Variants in LMX1A observed in about 807,000 individuals in gnomAD.
LMX1A encodes the protein LIM homeobox transcription factor 1-alpha.
In LMX1A, 15 loss-of-function variants were observed where a neutral mutation model predicts 49.1. The observed-to-expected ratio is 0.31, with a 90% CI of 0.20 to 0.47. The LOEUF (loss-of-function observed/expected upper bound fraction) is 0.47. Among genes scored for constraint, LMX1A ranks in the 20% least tolerant of loss-of-function variants. The pLI, the probability that LMX1A is intolerant of heterozygous loss-of-function variation, is 1.00. For synonymous variants in LMX1A, 167 were observed against 185.7 expected, an observed-to-expected ratio of 0.90 and a Z score of 0.82; for missense variants, 372 against 475.8, an observed-to-expected ratio of 0.78 and a Z score of 2.03.
chr1:165,253,722 C>T (rs1653135460), intron 3 of LMX1A, among the ~76,000 whole-genome samples: 1 of 152,174 alleles, frequency 6.6e-6, no homozygotes. Flanking sequence ...TCTCCTCTGC[C>T]TCTCAGCTTC....
chr1:165,355,746 G>A lies in LMX1A; in HGVS notation c.-22-165C>T. On this transcript the variant is annotated intron_variant, in intron 1 of 8. Coordinates refer to ENST00000342310, the MANE Select transcript of LMX1A (RefSeq NM_177398.4). This position sits in a 1 kb window ranked among gnomAD's most constrained non-coding sequence, Gnocchi z 4.7. ...GAATGTAGGGTGGGAGGAGAGATCA[G>A]TCACAGCGAACTGCTCTGGCTGATC... 1 of 612,100 alleles carries A rather than the reference G, an allele frequency of 1.6e-6. No homozygotes were observed. Among genetic ancestry groups the A allele is most frequent in the South Asian group, 2.0e-5 (1 of 50,972 alleles). The allele number at this position is 612,100 out of a possible 1,614,324, so 37.9% of individuals were successfully genotyped here.
At chr1:165,283,002 C>T (rs1293285094) in intron 3 of LMX1A, among the ~76,000 whole-genome samples, 3 of 152,250 alleles carry the variant, frequency 2.0e-5, no homozygotes, top group African/African-American at 7.2e-5. Flanking sequence ...CTGTCTCCAA[C>T]CCCAAGTCAC....
chr1:165,270,293 A>T (rs1473974064), intron 3 of LMX1A, among the ~76,000 whole-genome samples: 1 of 151,832 alleles, frequency 6.6e-6, no homozygotes, highest in African/African-American at 2.4e-5. Flanking sequence ...TCAGCTCAAG[A>T]CTCATACCCC....
intron 3 of LMX1A, among the ~76,000 whole-genome samples, chr1:165,295,566 C>T (rs574866989): frequency 1.3e-5 from 2 of 151,816 alleles, no homozygotes; most frequent in Middle Eastern, 3.4e-3. Flanking sequence ...TCCCAGCCTT[C>T]CCAAGGAAAA....
chr1:165,323,261 A>T (rs1042476452), intron 3 of LMX1A, among the ~76,000 whole-genome samples: 2 of 152,188 alleles, frequency 1.3e-5, no homozygotes, highest in Admixed American at 6.5e-5. Context: ...AGTTAACCAT[A>T]CAAAATATAC....
intron 3 of LMX1A, among the ~76,000 whole-genome samples, chr1:165,335,882 T>TATCC (rs1465763892): frequency 6.6e-6 from 1 of 151,844 alleles, no homozygotes; most frequent in Admixed American, 6.6e-5. Context: ...ATATTAGGTA[T>TATCC]ATCCACCGAG....
rs542048531 is a variant in LMX1A, at chr1:165,205,713, T to C, written c.988+151A>G. The C allele has an allele frequency of 1.2e-5, 8 of 673,626 alleles. No individual in the cohort carries two copies. The Admixed American group carries it at 1.6e-4, about 13-fold the overall frequency. 41.7% of individuals were successfully genotyped at this position (673,626 alleles called of 1,614,324 possible). On this transcript the variant is annotated intron_variant, in intron 8 of 8. Transcript: ENST00000342310. ...CATGAAGGTCTTTCTCCTGTAGTCA[T>C]TGGTTAGGCGATTCTGGCAGTATTT... is the stretch of plus-strand genomic sequence containing the variant.
intron 3 of LMX1A, 34 bp downstream of exon 3, chr1:165,353,042 G>A: frequency 1.9e-6 from 3 of 1,607,772 alleles, no homozygotes; most frequent in Non-Finnish European, 2.6e-6. Context: ...TGATGCCAGT[G>A]CGCGGGGAGC....
chr1:165,222,875 A>C (rs1651898648), intron 4 of LMX1A, among the ~76,000 whole-genome samples: 1 of 152,186 alleles, frequency 6.6e-6, no homozygotes, highest in South Asian at 2.1e-4. Context: ...GAGCAAGATA[A>C]AACAGGGTCA....
chr1:165,351,274 G>T (rs1656419314), intron 3 of LMX1A, among the ~76,000 whole-genome samples: 1 of 152,114 alleles, frequency 6.6e-6, no homozygotes, highest in Non-Finnish European at 1.5e-5. Flanking sequence ...GGACATTTCA[G>T]TAATCTATAA....
chr1:165,234,384 A>G (rs1652351545), intron 4 of LMX1A, among the ~76,000 whole-genome samples: 1 of 152,116 alleles, frequency 6.6e-6, no homozygotes, highest in Admixed American at 6.5e-5. Flanking sequence ...TAATACACAT[A>G]TACACACCCC....
At chr1:165,327,050 T>C (rs1340027799) in intron 3 of LMX1A, among the ~76,000 whole-genome samples, 3 of 152,104 alleles carry the variant, frequency 2.0e-5, no homozygotes, top group Admixed American at 2.0e-4. Context: ...TACCTTGAAA[T>C]TTCCTTGATG....
At chr1:165,297,225 T>C (rs1320846172) in intron 3 of LMX1A, among the ~76,000 whole-genome samples, 3 of 152,346 alleles carry the variant, frequency 2.0e-5, no homozygotes, top group Admixed American at 1.3e-4. Context: ...GAAATCTCTT[T>C]CCTTCAGAAA....
At chr1:165,309,175 T>C (rs530215583) in intron 3 of LMX1A, among the ~76,000 whole-genome samples, 1 of 151,244 alleles carries the variant, frequency 6.6e-6, no homozygotes, top group Admixed American at 6.6e-5. Context: ...TGCTGAGGGC[T>C]CGCTCCTGGA....
At chr1:165,345,778 C>T (rs565713900) in intron 3 of LMX1A, among the ~76,000 whole-genome samples, 3 of 152,286 alleles carry the variant, frequency 2.0e-5, no homozygotes, top group South Asian at 4.1e-4. Flanking sequence ...CCTATAATCC[C>T]AGCACTTTGG....
In LMX1A at chr1:165,306,735, G is replaced by A. The variant is rs1309608730; in HGVS notation, c.263+46341C>T. Among the ~76,000 whole-genome samples the A allele has an allele frequency of 3.9e-5, 6 of 152,310 alleles. 1 individual carries two copies. The East Asian group carries it at 1.2e-3, about 29-fold the overall frequency. ...GAATATCCCCAACAGCCTGTTGGTG[G>A]CACTCACACCACAATATATCCAGAA... On this transcript the variant is annotated intron_variant, in intron 3 of 8. Transcript: ENST00000342310.
At chr1:165,289,973 C>G (rs1023947814) in intron 3 of LMX1A, among the ~76,000 whole-genome samples, 52 of 152,162 alleles carry the variant, frequency 3.4e-4, no homozygotes, top group Non-Finnish European at 5.9e-5. Flanking sequence ...CTTAGGGAGT[C>G]TGATTTCATT....
At chr1:165,215,422 C>G (rs1651608251) in intron 4 of LMX1A, among the ~76,000 whole-genome samples, 1 of 152,212 alleles carries the variant, frequency 6.6e-6, no homozygotes, top group South Asian at 2.1e-4. Flanking sequence ...GCCCTCTTTT[C>G]TCTGGTGAAC....
At chr1:165,354,207 G>T (rs1656523485) in intron 2 of LMX1A, among the ~76,000 whole-genome samples, 1 of 152,050 alleles carries the variant, frequency 6.6e-6, no homozygotes, top group South Asian at 2.1e-4. Context: ...CAACACTCTT[G>T]CGCTCCCCAT....
Sources: gnomAD v4.1 joint callset for allele counts (sites outside exome capture counted in the v4.1 genomes callset) on GRCh38, gnomAD v4.1.1 for gene constraint, Gnocchi (gnomAD v3.1) non-coding constraint, MANE v1.5 for transcripts, NCBI Gene and HGNC (gene_info 2026-07-23, HGNC 2026-07-21) for gene names.